Variants in ARHGEF26 observed in about 807,000 individuals in gnomAD.
ARHGEF26 encodes the protein Rho guanine nucleotide exchange factor (GEF) 26.
In ARHGEF26, 59 loss-of-function variants were observed where a neutral mutation model predicts 89.4. That is an observed-to-expected ratio of 0.66 (90% CI 0.54 to 0.82). The LOEUF (loss-of-function observed/expected upper bound fraction) is 0.82, where lower values mean the gene tolerates loss of function less well. ARHGEF26 is among the 40% of genes least tolerant of loss of function. ARHGEF26 has a pLI of 0.00. For synonymous variants in ARHGEF26, 500 were observed against 428.4 expected, an observed-to-expected ratio of 1.17 and a Z score of -2.06; for missense variants, 1,234 against 1,085.6, an observed-to-expected ratio of 1.14 and a Z score of -1.92.
intron 11 of ARHGEF26, among the ~76,000 whole-genome samples, chr3:154,232,265 C>T (rs1477623576): frequency 1.3e-5 from 2 of 152,154 alleles, no homozygotes; most frequent in African/African-American, 4.8e-5. Flanking sequence ...AGGGATGGGG[C>T]TTCCTGGCCC....
At chr3:154,126,758 G>A (rs1480650065) in intron 3 of ARHGEF26, among the ~76,000 whole-genome samples, 7 of 152,110 alleles carry the variant, frequency 4.6e-5, no homozygotes, top group East Asian at 3.9e-4. Context: ...CTTTTGCCAC[G>A]TTGACTTTCC....
chr3:154,209,750 C>T (rs78527484), intron 9 of ARHGEF26, among the ~76,000 whole-genome samples: 1 of 152,156 alleles, frequency 6.6e-6, no homozygotes, highest in Non-Finnish European at 1.5e-5. Context: ...CTAACCACTC[C>T]CTGGCTACTG....
In ARHGEF26 at chr3:154,213,216, A is replaced by AGAGAGTGT. The variant is rs1553747872; in HGVS notation, c.1846-4652_1846-4651insAGAGTGTG. Among the ~76,000 whole-genome samples the AGAGAGTGT allele has an allele frequency of 1.6e-4, 23 of 142,036 alleles. 1 individual carries two copies. Among genetic ancestry groups the AGAGAGTGT allele is most frequent in the South Asian group, 5.0e-4 (2 of 3,972 alleles). 93.2% of individuals were successfully genotyped at this position (142,036 alleles called of 152,430 possible). A position where few individuals can be genotyped will look rare whatever the true frequency, so the allele number is the denominator to read the frequency against. On this transcript the variant is annotated intron_variant, in intron 9 of 14. Coordinates refer to ENST00000465093, the MANE Select transcript of ARHGEF26 (RefSeq NM_015595.4). ...ACGAGTAACATAGAGAGAGAGAGAG[A>AGAGAGTGT]GTGTGTGTGTGTGTGTGTGTGTGTG...
chr3:154,200,276 A>G (rs537605053), intron 9 of ARHGEF26, among the ~76,000 whole-genome samples: 4 of 152,148 alleles, frequency 2.6e-5, no homozygotes, highest in Non-Finnish European at 4.4e-5. Flanking sequence ...TCTTCTGCAT[A>G]TGGATATTCA....
intron 1 of ARHGEF26, 53 bp from the exon 2 acceptor site, chr3:154,121,889 C>T: frequency 1.4e-6 from 2 of 1,449,736 alleles, no homozygotes; most frequent in Non-Finnish European, 1.8e-6. Context: ...GCGAGTCGGC[C>T]AGGCGTCCCC....
At chr3:154,192,544 A>T (rs1193874686) in intron 8 of ARHGEF26, among the ~76,000 whole-genome samples, 1 of 152,316 alleles carries the variant, frequency 6.6e-6, no homozygotes, top group East Asian at 1.9e-4. Context: ...GTAATTCAGG[A>T]ACTTCCCCCC....
Position 154,225,882 on chromosome 3 carries a change from G to C in ARHGEF26, c.1962G>C (p.Arg654=), listed in dbSNP as rs758852366. The C allele has an allele frequency of 6.2e-7, 1 of 1,607,934 alleles. No homozygotes were observed. The highest frequency in any genetic ancestry group is 1.3e-5 in the African/African-American group (1 of 74,566). ...CTTTTCCTTTAGTCTCCTCTTCCCG[G>C]TGGTTGGTAAAAAGAGGTGAATTGA... ...IKPFPLVSSS[R]WLVKRGELTA... Residue 654 remains arginine, a synonymous_variant, in exon 11 of 15, where the codon CGG becomes CGC. Transcript: ENST00000465093.
chr3:154,211,853 GTGTGTATATATATA>G (rs1487024348), intron 9 of ARHGEF26, among the ~76,000 whole-genome samples: 3 of 98,040 alleles, frequency 3.1e-5, no homozygotes, highest in Non-Finnish European at 5.8e-5. Context: ...GTATATGTGT[GTGTGTATATATATA>G]TGTGTGTGTG....
chr3:154,191,997 A>G (rs1428697250), intron 8 of ARHGEF26, among the ~76,000 whole-genome samples: 3 of 152,210 alleles, frequency 2.0e-5, no homozygotes, highest in Admixed American at 2.0e-4. Flanking sequence ...ACGGCAAGAC[A>G]TGACTGGGAA....
chr3:154,213,007 A>C (rs917663381), intron 9 of ARHGEF26, among the ~76,000 whole-genome samples: 34 of 152,302 alleles, frequency 2.2e-4, no homozygotes, highest in African/African-American at 7.7e-4. Context: ...GAAGAAAAAC[A>C]CAAGAATGTT....
intron 6 of ARHGEF26, among the ~76,000 whole-genome samples, chr3:154,165,096 T>C (rs1711930295): frequency 6.6e-6 from 1 of 152,146 alleles, no homozygotes; most frequent in South Asian, 2.1e-4. Flanking sequence ...GAATCTGTGT[T>C]TTTCAGGTTT....
chr3:154,187,363 C>T (rs1713637529), intron 6 of ARHGEF26, among the ~76,000 whole-genome samples: 1 of 147,692 alleles, frequency 6.8e-6, no homozygotes, highest in African/African-American at 2.5e-5. Flanking sequence ...AAGCCAAACA[C>T]TTGAAGCAAT....
intron 3 of ARHGEF26, among the ~76,000 whole-genome samples, chr3:154,126,618 A>G (rs543180055): frequency 6.6e-6 from 1 of 152,322 alleles, no homozygotes; most frequent in African/African-American, 2.4e-5. Context: ...GTGTGAAAGA[A>G]ACTCAATCCT....
intron 4 of ARHGEF26, among the ~76,000 whole-genome samples, chr3:154,130,371 C>G (rs939810810): frequency 6.6e-6 from 1 of 151,950 alleles, no homozygotes; most frequent in South Asian, 2.1e-4. Flanking sequence ...GAATTCCTGC[C>G]CTCTAGTGAT....
Position 154,256,063 on chromosome 3 carries a change from T to G in ARHGEF26, c.*590T>G. The G allele has an allele frequency of 3.0e-6, 3 of 985,666 alleles. No individual in the cohort carries two copies. Among genetic ancestry groups the G allele is most frequent in the Non-Finnish European group, 3.6e-6 (3 of 829,796 alleles). The allele number at this position is 985,666 out of a possible 1,614,324, so 61.1% of individuals were successfully genotyped here. A position where few individuals can be genotyped will look rare whatever the true frequency, so the allele number is the denominator to read the frequency against. ...ATTGACACTTGAATTTTTGTCACCT[T>G]TTTCCTCATTAGAAGGAAAGTAGAA... On this transcript the variant is annotated 3_prime_UTR_variant, in exon 15 of 15. Transcript: ENST00000465093.
At chr3:154,185,357 C>T (rs1713459599) in intron 6 of ARHGEF26, among the ~76,000 whole-genome samples, 1 of 152,102 alleles carries the variant, frequency 6.6e-6, no homozygotes, top group Non-Finnish European at 1.5e-5. Context: ...CCAGGTTACC[C>T]ACACTTCTCT....
chr3:154,134,299 T>C (rs1718870707), intron 4 of ARHGEF26, among the ~76,000 whole-genome samples: 1 of 152,074 alleles, frequency 6.6e-6, no homozygotes, highest in Non-Finnish European at 1.5e-5. Flanking sequence ...GGGTAATTTA[T>C]ACAGGAAAAA....
chr3:154,140,149 A>C (rs1004246490), intron 4 of ARHGEF26, among the ~76,000 whole-genome samples: 1 of 152,214 alleles, frequency 6.6e-6, no homozygotes, highest in Non-Finnish European at 1.5e-5. Flanking sequence ...GATAGCTGTT[A>C]GCTCTGGGAT....
chr3:154,232,606 A>G (rs1716887771), intron 11 of ARHGEF26, among the ~76,000 whole-genome samples: 1 of 152,152 alleles, frequency 6.6e-6, no homozygotes, highest in Non-Finnish European at 1.5e-5. Context: ...ATTTAAATGG[A>G]TGGCGTTCTG....
Sources: gnomAD v4.1 joint callset for allele counts (sites outside exome capture counted in the v4.1 genomes callset) on GRCh38, gnomAD v4.1.1 for gene constraint, MANE v1.5 for transcripts, NCBI Gene and HGNC (gene_info 2026-07-23, HGNC 2026-07-21) for gene names.